Variants in CAMKMT observed in about 807,000 individuals in gnomAD.
CAMKMT encodes the protein calmodulin-lysine N-methyltransferase.
CAMKMT carries 53 observed loss-of-function variants against 48.0 expected under a neutral mutation model. That is an observed-to-expected ratio of 1.10 (90% CI 0.89 to 1.39). CAMKMT has a LOEUF of 1.39. Ranked by LOEUF, CAMKMT falls within the 40% of genes most tolerant of loss-of-function variation. The probability of loss-of-function intolerance (pLI) is 0.00; values close to 1 mark genes in which losing one functional copy is unlikely to be tolerated. For missense variants in CAMKMT, 428 were observed against 402.7 expected, an observed-to-expected ratio of 1.06 and a Z score of -0.54; for synonymous variants, 165 against 152.3, an observed-to-expected ratio of 1.08 and a Z score of -0.61.
At chr2:44,472,152 G>T (rs921671851) in intron 3 of CAMKMT, among the ~76,000 whole-genome samples, 2 of 152,086 alleles carry the variant, frequency 1.3e-5, no homozygotes, top group Non-Finnish European at 2.9e-5. Context: ...CTAACTGCAA[G>T]CTCCGCTCCC....
chr2:44,444,117 T>C (rs1488978076), intron 3 of CAMKMT, among the ~76,000 whole-genome samples: 2 of 152,166 alleles, frequency 1.3e-5, no homozygotes, highest in Non-Finnish European at 2.9e-5. Flanking sequence ...TTCTAAACTT[T>C]TCTACACGTG....
chr2:44,673,534 A>G (rs1050328877), intron 3 of CAMKMT, among the ~76,000 whole-genome samples: 1 of 137,380 alleles, frequency 7.3e-6, no homozygotes, highest in African/African-American at 3.0e-5. Context: ...GGGAAGGAAG[A>G]AATCTATACA....
intron 3 of CAMKMT, among the ~76,000 whole-genome samples, chr2:44,626,593 C>G (rs759158664): frequency 6.6e-6 from 1 of 152,158 alleles, no homozygotes; most frequent in Non-Finnish European, 1.5e-5. Flanking sequence ...GATGAGGGCC[C>G]ATTCCTTCTC....
chr2:44,550,356 C>T (rs1186574369), intron 3 of CAMKMT, among the ~76,000 whole-genome samples: 1 of 151,026 alleles, frequency 6.6e-6, no homozygotes. Context: ...TGCCACTGCA[C>T]TCCAGCCTGG....
chr2:44,499,324 A>G (rs1027252089), intron 3 of CAMKMT, among the ~76,000 whole-genome samples: 3 of 152,162 alleles, frequency 2.0e-5, no homozygotes, highest in Non-Finnish European at 2.9e-5. Context: ...TTTTCTGTCT[A>G]TTACTTTGTA....
chr2:44,504,108 C>A lies in CAMKMT; in HGVS notation c.376+113803C>A, dbSNP rs77321327. ...TCATGACCTCATCTAAGCCTTATTA[C>A]TTCCCAAAGGCCCTATCTTCAAATA... On this transcript the variant is annotated intron_variant, in intron 3 of 10. Coordinates refer to ENST00000378494, the MANE Select transcript of CAMKMT (RefSeq NM_024766.5). Among the ~76,000 whole-genome samples the A allele has an allele frequency of 0.025, 3,876 of 152,124 alleles. 288 individuals carry two copies. In the East Asian group the frequency reaches 0.29, roughly 12 times the overall value.
chr2:44,524,459 G>C (rs1007390328), intron 3 of CAMKMT, among the ~76,000 whole-genome samples: 1 of 151,944 alleles, frequency 6.6e-6, no homozygotes, highest in Non-Finnish European at 1.5e-5. Context: ...TTTGCTAATG[G>C]TCTTCTCCTT....
intron 3 of CAMKMT, chr2:44,400,629 A>T (rs893345733): frequency 7.0e-6 from 1 of 143,420 alleles, no homozygotes; most frequent in East Asian, 1.9e-4. Context: ...AAGCCTTTTT[A>T]AAAAAATTCA....
Position 44,536,232 on chromosome 2 carries a change from T to A in CAMKMT, c.376+145927T>A, listed in dbSNP as rs911224134. On this transcript the variant is annotated intron_variant, in intron 3 of 10. Coordinates refer to ENST00000378494, the MANE Select transcript of CAMKMT (RefSeq NM_024766.5). ...AGAACACAAACAAATGGAAAGATAT[T>A]CCATGTTTGTGGGTCAGAAGAATTA... Among the ~76,000 whole-genome samples the A allele has an allele frequency of 2.0e-5, 3 of 152,202 alleles. No homozygotes were observed. In the East Asian group the frequency reaches 5.8e-4, roughly 29 times the overall value.
intron 3 of CAMKMT, among the ~76,000 whole-genome samples, chr2:44,535,844 C>CT (rs758859858): frequency 1.2e-4 from 18 of 152,132 alleles, no homozygotes; most frequent in Non-Finnish European, 2.5e-4. Flanking sequence ...AGGTTGCCTA[C>CT]TTTCACCACT....
In CAMKMT at chr2:44,738,500, C is replaced by A. The variant is rs543525657; in HGVS notation, c.624-5122C>A. 2.6e-5 allele frequency among the ~76,000 whole-genome samples: 4 copies of A among 152,282 alleles called. No homozygotes were observed. The South Asian group carries it at 8.3e-4, about 32-fold the overall frequency. ...TCAAAGACCAATTTAACAATAGAAA[C>A]CTCTATTTCTTGAGGGCCTTCTGTG... On this transcript the variant is annotated intron_variant, in intron 7 of 10. Coordinates refer to ENST00000378494, the MANE Select transcript of CAMKMT (RefSeq NM_024766.5).
intron 3 of CAMKMT, among the ~76,000 whole-genome samples, chr2:44,460,716 CTTTTTTT>C (rs1202949999): frequency 9.7e-6 from 1 of 103,236 alleles, no homozygotes; most frequent in Non-Finnish European, 2.0e-5. Flanking sequence ...GTGATAGATT[CTTTTTTT>C]TTTTTTTTTT....
chr2:44,364,528 A>G (rs1678388186), intron 1 of CAMKMT, among the ~76,000 whole-genome samples: 1 of 152,092 alleles, frequency 6.6e-6, no homozygotes, highest in African/African-American at 2.4e-5. Context: ...ATTAATTTAC[A>G]TCCTCTGCAC....
intron 3 of CAMKMT, among the ~76,000 whole-genome samples, chr2:44,411,029 C>T (rs1213073962): frequency 6.6e-6 from 1 of 152,082 alleles, no homozygotes; most frequent in South Asian, 2.1e-4. Context: ...CTTTTGAATA[C>T]CCATCTTGAG....
intron 3 of CAMKMT, among the ~76,000 whole-genome samples, chr2:44,625,863 A>T (rs1672453236): frequency 6.6e-6 from 1 of 152,026 alleles, no homozygotes; most frequent in African/African-American, 2.4e-5. Context: ...TATTCCCTTA[A>T]TCTGTATGTC....
chr2:44,616,076 C>T (rs1671872709), intron 3 of CAMKMT, among the ~76,000 whole-genome samples: 1 of 152,214 alleles, frequency 6.6e-6, no homozygotes, highest in Non-Finnish European at 1.5e-5. Context: ...TCTCCCCCGA[C>T]CTCCAGTCAT....
chr2:44,722,746 G>A (rs1678539242), intron 7 of CAMKMT, among the ~76,000 whole-genome samples: 1 of 152,062 alleles, frequency 6.6e-6, no homozygotes, highest in South Asian at 2.1e-4. Flanking sequence ...GTATATAATT[G>A]TACTTTCTAG....
chr2:44,722,105 T>C lies in CAMKMT; in HGVS notation c.623+6752T>C, dbSNP rs1029902254. 2.6e-5 allele frequency among the ~76,000 whole-genome samples: 4 copies of C among 152,298 alleles called. No individual in the cohort carries two copies. In the East Asian group the frequency reaches 7.7e-4, roughly 29 times the overall value. On this transcript the variant is annotated intron_variant, in intron 7 of 10. Coordinates refer to ENST00000378494, the MANE Select transcript of CAMKMT (RefSeq NM_024766.5). ...ATTTGTCATTTTTGGTACTATTCCA[T>C]TGTATGGATAGACCACACTTTATCC... is the stretch of plus-strand genomic sequence containing the variant.
chr2:44,755,517 C>T (rs1680334178), intron 9 of CAMKMT, among the ~76,000 whole-genome samples: 1 of 152,156 alleles, frequency 6.6e-6, no homozygotes, highest in African/African-American at 2.4e-5. Flanking sequence ...CTGAATCTCA[C>T]ACTGTACAAA....
Sources: allele counts gnomAD v4.1 joint callset (sites outside exome capture counted in the v4.1 genomes callset), GRCh38; gene constraint gnomAD v4.1.1; transcripts MANE v1.5; gene names NCBI Gene and HGNC (gene_info 2026-07-23, HGNC 2026-07-21).